Variants in MYRIP observed in about 807,000 individuals in gnomAD.
MYRIP encodes myosin VIIA and Rab interacting protein, also known as rab effector MyRIP.
In MYRIP, 49 loss-of-function variants were observed where a neutral mutation model predicts 98.0. The observed-to-expected ratio is 0.50, with a 90% CI of 0.40 to 0.63. The LOEUF (loss-of-function observed/expected upper bound fraction) is 0.63, where lower values mean the gene tolerates loss of function less well. Ranked by LOEUF, MYRIP falls within the 30% of genes least tolerant of loss-of-function variation. The pLI is 0.00. For synonymous variants in MYRIP, 404 were observed against 409.5 expected (o/e 0.99, Z 0.16); for missense variants, 1,004 against 1,058.2 (o/e 0.95, Z 0.71).
chr3:40,048,681 A>G (rs1947722773), intron 3 of MYRIP, among the ~76,000 whole-genome samples: 1 of 152,156 alleles, frequency 6.6e-6, no homozygotes, highest in Non-Finnish European at 1.5e-5. Flanking sequence ...TTAGTTCAGT[A>G]AAAGCATTTT....
intron 3 of MYRIP, among the ~76,000 whole-genome samples, chr3:40,130,545 T>A (rs2125917911): frequency 1.3e-5 from 2 of 150,734 alleles, no homozygotes; most frequent in African/African-American, 4.9e-5. Flanking sequence ...GCCCGGCTAA[T>A]TTTTTTTTGT....
At chr3:39,833,171 C>A (rs1157781844) in intron 1 of MYRIP, among the ~76,000 whole-genome samples, 1 of 152,128 alleles carries the variant, frequency 6.6e-6, no homozygotes, top group African/African-American at 2.4e-5. Context: ...GGAACACCTA[C>A]CAAGAGAGAG....
chr3:40,092,889 CAGG>C (rs1196954542), intron 3 of MYRIP, among the ~76,000 whole-genome samples: 3 of 152,322 alleles, frequency 2.0e-5, no homozygotes, highest in Non-Finnish European at 2.9e-5. Context: ...GTTCCCGTCG[CAGG>C]AGTTTAGTCT....
At chr3:40,161,283 GGAAACAGAAAGA>G in intron 4 of MYRIP, among the ~76,000 whole-genome samples, 1 of 152,226 alleles carries the variant, frequency 6.6e-6, no homozygotes, top group South Asian at 2.1e-4. Context: ...AAATTTAAAA[GGAAACAGAAAGA>G]GAGGTGTTGT....
intron 3 of MYRIP, among the ~76,000 whole-genome samples, chr3:40,135,838 G>A (rs1165813402): frequency 2.6e-5 from 4 of 152,212 alleles, no homozygotes; most frequent in African/African-American, 9.6e-5. Context: ...AATGCTGAGA[G>A]ATTTTGTCAC....
chr3:40,073,477 C>T lies in MYRIP; in HGVS notation c.332+29206C>T, dbSNP rs9867577. Among the ~76,000 whole-genome samples, 1,047 of 152,264 alleles carry T rather than the reference C, an allele frequency of 6.9e-3. 16 individuals are homozygous for T. The highest frequency in any genetic ancestry group is 0.024 in the African/African-American group (994 of 41,544). On this transcript the variant is annotated intron_variant, in intron 3 of 16. Coordinates refer to ENST00000302541, the MANE Select transcript of MYRIP (RefSeq NM_015460.4). ...ACCTTTGTCCCCACCTAGTTCCTGCCGAAGTTTGTAGGATTCTGCCTTACT... is the reference window on the plus strand; with the variant it reads ...ACCTTTGTCCCCACCTAGTTCCTGCTGAAGTTTGTAGGATTCTGCCTTACT...
intron 2 of MYRIP, among the ~76,000 whole-genome samples, chr3:39,986,665 G>C (rs1379459987): frequency 6.6e-6 from 1 of 152,168 alleles, no homozygotes; most frequent in Non-Finnish European, 1.5e-5. Flanking sequence ...GTTGATCCCT[G>C]ATGGCTCGGA....
In MYRIP at chr3:40,160,957, C is replaced by T. The variant is rs145942542; in HGVS notation, c.470-1773C>T. Among the ~76,000 whole-genome samples, 606 of 152,294 alleles carry T rather than the reference C, an allele frequency of 4.0e-3. 8 individuals are homozygous for T. Among genetic ancestry groups the T allele is most frequent in the African/African-American group, 0.014 (591 of 41,560 alleles). ...CTCAGATGGAAATGTAGAAATCACC[C>T]GTCTTCTGCGTCGCTCACGCTGGGA... On this transcript the variant is annotated intron_variant, in intron 4 of 16. Transcript: ENST00000302541.
intron 2 of MYRIP, among the ~76,000 whole-genome samples, chr3:39,909,240 C>T (rs1385370894): frequency 6.6e-6 from 1 of 152,132 alleles, no homozygotes; most frequent in Non-Finnish European, 1.5e-5. Context: ...GTGGAGAGGA[C>T]TGATCTTAAA....
chr3:39,993,484 C>A (rs1946231149), intron 2 of MYRIP, among the ~76,000 whole-genome samples: 1 of 152,196 alleles, frequency 6.6e-6, no homozygotes, highest in South Asian at 2.1e-4. Flanking sequence ...ACCTAAGCAT[C>A]TGAGTATGTA....
chr3:39,868,121 C>T (rs765282894), intron 1 of MYRIP, among the ~76,000 whole-genome samples: 4 of 152,104 alleles, frequency 2.6e-5, no homozygotes, highest in African/African-American at 7.2e-5. Flanking sequence ...TACTTTTGGG[C>T]CCTGCTCCCT....
intron 2 of MYRIP, among the ~76,000 whole-genome samples, chr3:39,972,745 G>T (rs993878511): frequency 6.6e-6 from 1 of 151,146 alleles, no homozygotes; most frequent in African/African-American, 2.5e-5. Flanking sequence ...CCTGCCATTT[G>T]TTTTTTTTCC....
chr3:40,244,309 T>C (rs1263321930), intron 12 of MYRIP, 137 bp from the exon 13 acceptor site: 2 of 676,462 alleles, frequency 3.0e-6, no homozygotes, highest in Non-Finnish European at 4.6e-6. Flanking sequence ...CGTTTATAAA[T>C]GTTATAAAAA....
At chr3:40,006,958 G>A (rs542965908) in intron 2 of MYRIP, among the ~76,000 whole-genome samples, 6 of 152,016 alleles carry the variant, frequency 3.9e-5, no homozygotes, top group South Asian at 2.1e-4. Flanking sequence ...TGCTGGGCTC[G>A]GGCAATCCTC....
chr3:39,830,845 T>A (rs948935944), intron 1 of MYRIP, among the ~76,000 whole-genome samples: 3 of 152,152 alleles, frequency 2.0e-5, no homozygotes, highest in African/African-American at 7.2e-5. Flanking sequence ...AAAAAACTGC[T>A]AAAAAAGAGT....
intron 3 of MYRIP, among the ~76,000 whole-genome samples, chr3:40,137,456 C>G (rs904548635): frequency 6.6e-6 from 1 of 152,176 alleles, no homozygotes; most frequent in African/African-American, 2.4e-5. Flanking sequence ...ACCAGAGGTA[C>G]AAGGAGGAAC....
rs531127563 is a variant in MYRIP, at chr3:39,984,073, C to G, written c.111-59977C>G. 9.2e-5 allele frequency among the ~76,000 whole-genome samples: 14 copies of G among 152,286 alleles called. No individual in the cohort carries two copies. In the East Asian group the frequency reaches 2.7e-3, roughly 29 times the overall value. On this transcript the variant is annotated intron_variant, in intron 2 of 16. Transcript: ENST00000302541. Reference sequence around the variant, plus strand: ...GATGACTGAAACATCAGCCTGGCCTCTGCTTCCCAATCTGGGGACTGGGTT... The same window carrying G: ...GATGACTGAAACATCAGCCTGGCCTGTGCTTCCCAATCTGGGGACTGGGTT...
intron 10 of MYRIP, among the ~76,000 whole-genome samples, chr3:40,203,962 TAC>T (rs372303465): frequency 0.45 from 4,241 of 9,412 alleles, 1,837 homozygotes; most frequent in African/African-American, 0.58. Flanking sequence ...ATATATTATA[TAC>T]ATTATATATA....
chr3:40,238,662 G>A (rs1952896323), intron 12 of MYRIP: 1 of 151,988 alleles, frequency 6.6e-6, no homozygotes, highest in African/African-American at 2.4e-5. Flanking sequence ...CTTCTGTAAT[G>A]GGGAGGGAGA....
Sources: gnomAD v4.1 joint callset for allele counts (sites outside exome capture counted in the v4.1 genomes callset) on GRCh38, gnomAD v4.1.1 for gene constraint, MANE v1.5 for transcripts, NCBI Gene and HGNC (gene_info 2026-07-23, HGNC 2026-07-21) for gene names.